Variants in PARD3B observed in about 807,000 individuals in gnomAD.
PARD3B encodes the protein par-3 family cell polarity regulator beta, also known as partitioning defective 3 homolog B.
A neutral mutation model predicts 130.2 loss-of-function variants in PARD3B; 103 were observed. That is an observed-to-expected ratio of 0.79 (90% confidence interval 0.67 to 0.93). PARD3B has a LOEUF of 0.93. PARD3B is among the 40% of genes least tolerant of loss of function. The probability of loss-of-function intolerance (pLI) is 0.00; values close to 1 mark genes in which losing one functional copy is unlikely to be tolerated. For synonymous variants in PARD3B, 583 were observed against 553.2 expected, an observed-to-expected ratio of 1.05 and a Z score of -0.76; for missense variants, 1,609 against 1,499.2, an observed-to-expected ratio of 1.07 and a Z score of -1.21.
At chr2:204,936,588 A>G (rs1031372024) in intron 2 of PARD3B, among the ~76,000 whole-genome samples, 1 of 152,218 alleles carries the variant, frequency 6.6e-6, no homozygotes, top group African/African-American at 2.4e-5. Context: ...CAGATGATGG[A>G]GCATAGCTGT....
intron 19 of PARD3B, among the ~76,000 whole-genome samples, chr2:205,418,011 A>AT (rs1268463818): frequency 6.6e-6 from 1 of 151,332 alleles, no homozygotes; most frequent in Admixed American, 6.6e-5. Flanking sequence ...TTCTTTCCTC[A>AT]TTTTTCATTT....
intron 21 of PARD3B, among the ~76,000 whole-genome samples, chr2:205,551,907 C>G (rs988971073): frequency 1.3e-5 from 2 of 152,194 alleles, no homozygotes; most frequent in African/African-American, 4.8e-5. Flanking sequence ...TCTATTTACT[C>G]CTTCCATGCC....
intron 13 of PARD3B, among the ~76,000 whole-genome samples, chr2:205,185,337 A>G (rs2036036349): frequency 6.6e-6 from 1 of 152,158 alleles, no homozygotes; most frequent in South Asian, 2.1e-4. Flanking sequence ...TGATTTTTTA[A>G]AAGAAGTTTT....
chr2:205,499,924 C>G lies in PARD3B; in HGVS notation c.3073C>G (p.Arg1025Gly), dbSNP rs752760723. Residue 1025 changes from arginine to glycine, a missense_variant, in exon 21 of 23, where the codon CGT becomes GGT. Transcript: ENST00000406610. ...CCGTCCTACGGGTGGAAGCACTGAC[C>G]GTATCCAGAAGTTGCGGAAAGAGTA... ...SGRPTGGSTDRIQKLRKEYYQ... is the reference protein window; with the variant it reads ...SGRPTGGSTDGIQKLRKEYYQ... 14 of 1,613,520 alleles carry G rather than the reference C, an allele frequency of 8.7e-6. No homozygotes were observed. Among genetic ancestry groups the G allele is most frequent in the Admixed American group, 5.0e-5 (3 of 59,974 alleles).
chr2:204,935,691 T>C (rs1200655632), intron 2 of PARD3B, among the ~76,000 whole-genome samples: 1 of 152,184 alleles, frequency 6.6e-6, no homozygotes, highest in African/African-American at 2.4e-5. Context: ...AACTGATACA[T>C]ATTTGTTAAA....
Position 205,052,452 on chromosome 2 carries a change from A to ATATATATATATATATATAT in PARD3B, c.504+4762_504+4763insTATATATATATATATATAT, listed in dbSNP as rs1443249681. ...ATATATATATATATATATATATATA[A>ATATATATATATATATATAT]AATTAAAAAAATAAGCTGGCAGATT... On this transcript the variant is annotated intron_variant, in intron 4 of 22. Coordinates refer to ENST00000406610, the MANE Select transcript of PARD3B (RefSeq NM_001302769.2). Among the ~76,000 whole-genome samples the ATATATATATATATATATAT allele has an allele frequency of 1.5e-3, 30 of 20,526 alleles. 1 individual carries two copies. Among genetic ancestry groups the ATATATATATATATATATAT allele is most frequent in the Middle Eastern group, 0.021 (1 of 48 alleles). 13.5% of individuals were successfully genotyped at this position (20,526 alleles called of 152,430 possible).
chr2:205,226,671 A>T lies in PARD3B; in HGVS notation c.2141-19107A>T, dbSNP rs142989326. On this transcript the variant is annotated intron_variant, in intron 15 of 22. Coordinates refer to ENST00000406610, the MANE Select transcript of PARD3B (RefSeq NM_001302769.2). ...TTTGTCAAAAATAAGTTCATTGTGG[A>T]TATATGGATTTCTTTCTAGTTTCTC... Among the ~76,000 whole-genome samples, 7 of 152,176 alleles carry T rather than the reference A, an allele frequency of 4.6e-5. No homozygotes were observed. In the East Asian group the frequency reaches 1.4e-3, roughly 29 times the overall value.
chr2:205,406,435 G>A (rs568036750), intron 19 of PARD3B, among the ~76,000 whole-genome samples: 2 of 152,178 alleles, frequency 1.3e-5, no homozygotes, highest in Non-Finnish European at 2.9e-5. Flanking sequence ...TGTTGAATAA[G>A]AAGCTAATGA....
At chr2:205,285,278 A>G (rs2041349452) in intron 16 of PARD3B, among the ~76,000 whole-genome samples, 1 of 152,150 alleles carries the variant, frequency 6.6e-6, no homozygotes, top group African/African-American at 2.4e-5. Context: ...AATAAAGATT[A>G]GCTATCATTA....
intron 4 of PARD3B, among the ~76,000 whole-genome samples, chr2:205,063,047 G>C (rs1258805663): frequency 1.3e-5 from 2 of 151,890 alleles, no homozygotes; most frequent in African/African-American, 4.8e-5. Flanking sequence ...TTCAACTTTA[G>C]TCTCTGGTCA....
chr2:205,291,917 G>C lies in PARD3B; in HGVS notation c.2186-8613G>C, dbSNP rs1188395665. 1.3e-5 allele frequency among the ~76,000 whole-genome samples: 2 copies of C among 152,196 alleles called. No individual in the cohort carries two copies. The highest frequency in any genetic ancestry group is 2.4e-5 in the African/African-American group (1 of 41,446). ...GGACAATGGAAGAATGACTCTGAAG[G>C]CAATTCAGTGATCATCAGGACAATC... is the stretch of plus-strand genomic sequence containing the variant. On this transcript the variant is annotated intron_variant, in intron 16 of 22. Coordinates refer to ENST00000406610, the MANE Select transcript of PARD3B (RefSeq NM_001302769.2). This position sits in a 1 kb window ranked among gnomAD's most constrained non-coding sequence, Gnocchi z 4.6.
Position 204,623,546 on chromosome 2 carries a change from C to CT in PARD3B, c.121-62631dup, listed in dbSNP as rs1351055968. On this transcript the variant is annotated intron_variant, in intron 1 of 22. Coordinates refer to ENST00000406610, the MANE Select transcript of PARD3B (RefSeq NM_001302769.2). This position sits in a 1 kb window ranked among gnomAD's most constrained non-coding sequence, Gnocchi z 4.5. ...TAACTGAAATTATGCAGTCCATGAC[C>CT]TTTTGAGAATGACTTTTTTTTTCTA... Among the ~76,000 whole-genome samples the CT allele has an allele frequency of 6.6e-6, 1 of 151,990 alleles. No individual in the cohort carries two copies. Among genetic ancestry groups the CT allele is most frequent in the Non-Finnish European group, 1.5e-5 (1 of 68,000 alleles).
chr2:204,968,505 A>G (rs1575442146), intron 3 of PARD3B, among the ~76,000 whole-genome samples: 1 of 152,094 alleles, frequency 6.6e-6, no homozygotes, highest in South Asian at 2.1e-4. Context: ...CTCTCTGCCC[A>G]CCTTTATTGC....
chr2:204,650,495 C>T (rs1299918793), intron 1 of PARD3B, among the ~76,000 whole-genome samples: 1 of 152,118 alleles, frequency 6.6e-6, no homozygotes, highest in Non-Finnish European at 1.5e-5. Flanking sequence ...ATGGAATCAA[C>T]CTAAATGCCC....
Position 205,158,464 on chromosome 2 carries a change from G to C in PARD3B, c.1435-258G>C, listed in dbSNP as rs1018276263. Among the ~76,000 whole-genome samples, 2 of 152,002 alleles carry C rather than the reference G, an allele frequency of 1.3e-5. No homozygotes were observed. Among genetic ancestry groups the C allele is most frequent in the Non-Finnish European group, 2.9e-5 (2 of 67,996 alleles). On this transcript the variant is annotated intron_variant, in intron 10 of 22. Coordinates refer to ENST00000406610, the MANE Select transcript of PARD3B (RefSeq NM_001302769.2). This position sits in a 1 kb window ranked among gnomAD's most constrained non-coding sequence, Gnocchi z 5.4. Reference sequence around the variant, plus strand: ...CTTGCGAGGTGTTTCAGATTGCATCGCTCTGACTTGCCAAACGATCCTCTC... The same window carrying C: ...CTTGCGAGGTGTTTCAGATTGCATCCCTCTGACTTGCCAAACGATCCTCTC...
chr2:205,145,019 C>T (rs1203673280), intron 10 of PARD3B, among the ~76,000 whole-genome samples: 7 of 152,094 alleles, frequency 4.6e-5, no homozygotes, highest in Admixed American at 4.6e-4. Flanking sequence ...CTCCCTGAGC[C>T]TTAAAGTGAA....
chr2:204,915,606 A>G (rs923862037), intron 2 of PARD3B, among the ~76,000 whole-genome samples: 1 of 152,196 alleles, frequency 6.6e-6, no homozygotes, highest in African/African-American at 2.4e-5. Context: ...TCACCATGGA[A>G]AAAACCTACA....
Position 204,938,251 on chromosome 2 carries a change from C to T in PARD3B, c.223-26901C>T, listed in dbSNP as rs112150816. On this transcript the variant is annotated intron_variant, in intron 2 of 22. Coordinates refer to ENST00000406610, the MANE Select transcript of PARD3B (RefSeq NM_001302769.2). ...ACTAAACTAAAATCCACAGTCCTTC[C>T]TCTACCCTCCTGTGGGCCACTGAGT... Among the ~76,000 whole-genome samples the T allele has an allele frequency of 7.7e-4, 117 of 152,324 alleles. 1 individual carries two copies. Among genetic ancestry groups the T allele is most frequent in the African/African-American group, 2.7e-3 (112 of 41,578 alleles).
At chr2:205,135,306 A>C (rs1352893533) in intron 10 of PARD3B, among the ~76,000 whole-genome samples, 1 of 152,188 alleles carries the variant, frequency 6.6e-6, no homozygotes, top group African/African-American at 2.4e-5. Context: ...TGTGATCAGT[A>C]CATTTGTTAA....
Sources: allele counts gnomAD v4.1 joint callset (sites outside exome capture counted in the v4.1 genomes callset), GRCh38; gene constraint gnomAD v4.1.1; non-coding constraint Gnocchi (gnomAD v3.1); transcripts MANE v1.5; gene names NCBI Gene and HGNC (gene_info 2026-07-23, HGNC 2026-07-21).